GLG1: variants seen among roughly 807,000 people sequenced by gnomAD.
GLG1 encodes golgi glycoprotein 1.
A neutral mutation model predicts 160.5 loss-of-function variants in GLG1; 38 were observed. The observed-to-expected ratio is 0.24, with a 90% CI of 0.18 to 0.31. The LOEUF is 0.31. Ranked by LOEUF, GLG1 falls within the 10% of genes least tolerant of loss-of-function variation. The probability of loss-of-function intolerance (pLI) is 1.00; values close to 1 mark genes in which losing one functional copy is unlikely to be tolerated. For missense variants in GLG1, 1,373 were observed against 1,505.2 expected (o/e 0.91, Z 1.45); for synonymous variants, 644 against 543.4 (o/e 1.19, Z -2.57).
At chr16:74,528,843 G>C (rs537736058) in intron 2 of GLG1, among the ~76,000 whole-genome samples, 106 of 142,986 alleles carry the variant, frequency 7.4e-4, no homozygotes, top group African/African-American at 1.9e-3. Flanking sequence ...AAAATTGTTA[G>C]GTGAGTATGG....
chr16:74,462,728 T>C (rs978688548), intron 20 of GLG1, 98 bp from the exon 21 acceptor site: 1 of 1,062,374 alleles, frequency 9.4e-7, no homozygotes, highest in Admixed American at 1.8e-5. Context: ...ATGTCAATGA[T>C]CATGACTACA....
chr16:74,585,955 T>G (rs1409736945), intron 1 of GLG1, among the ~76,000 whole-genome samples: 1 of 149,206 alleles, frequency 6.7e-6, no homozygotes, highest in Non-Finnish European at 1.5e-5. Flanking sequence ...CCCAGCTACT[T>G]GGGGGGCCGA....
At chr16:74,605,894 C>T (rs1409135271) in intron 1 of GLG1, among the ~76,000 whole-genome samples, 31 of 152,160 alleles carry the variant, frequency 2.0e-4, no homozygotes, top group Admixed American at 2.0e-3. Context: ...CAGCATTAAA[C>T]CTAGATTATA....
intron 13 of GLG1, among the ~76,000 whole-genome samples, chr16:74,473,554 C>A (rs113633798): frequency 0.02 from 3,103 of 151,394 alleles, 94 homozygotes; most frequent in African/African-American, 0.071. Flanking sequence ...ACTCTCCTGC[C>A]TCAGCCTCCC....
chr16:74,501,260 T>C (rs191621028), intron 4 of GLG1, among the ~76,000 whole-genome samples: 1 of 152,268 alleles, frequency 6.6e-6, no homozygotes, highest in African/African-American at 2.4e-5. Context: ...GGAAGGAAGG[T>C]GTTTTTTCAG....
In GLG1 at chr16:74,493,020, G is replaced by T. The variant is rs754735513; in HGVS notation, c.1171C>A (p.Pro391Thr). 1 of 1,613,838 alleles carries T rather than the reference G, an allele frequency of 6.2e-7. No homozygotes were observed. The highest frequency in any genetic ancestry group is 1.7e-5 in the Admixed American group (1 of 59,970). The stretch of plus-strand genomic sequence containing the variant: ...GAGAGCCTGGCTTCACGCGATCGCG[G>T]AAGGTTTTCCACATTGCACCGGTAT... The part of the protein sequence containing the change: ...KKYRCNVENL[P>T]RSREARLSYL... The change falls in exon 7 of 26, where the codon CCG (proline) becomes ACG (threonine). Residue 391 changes from proline (P) to threonine (T), a missense_variant. Pro to Thr is a conservative substitution (Grantham distance 38, BLOSUM62 -1). This residue lies in a region of GLG1 where 386 missense variants were observed against 388.5 expected (regional missense o/e 0.99). Transcript: ENST00000422840.
intron 5 of GLG1, 87 bp downstream of exon 5, chr16:74,496,354 A>G: frequency 1.0e-6 from 1 of 975,936 alleles, no homozygotes; most frequent in Non-Finnish European, 1.5e-6. Context: ...CAATCTCTCA[A>G]AAAACAACAC....
chr16:74,556,967 A>C (rs1371573060), intron 1 of GLG1, among the ~76,000 whole-genome samples: 1 of 152,000 alleles, frequency 6.6e-6, no homozygotes, highest in African/African-American at 2.4e-5. Flanking sequence ...AATATATTCT[A>C]ATTTTCACTG....
chr16:74,471,380 C>G, intron 14 of GLG1, 94 bp from the exon 15 acceptor site: 1 of 727,662 alleles, frequency 1.4e-6, no homozygotes, highest in African/African-American at 1.8e-5. Flanking sequence ...AAGGTTAGTT[C>G]TAGAAGCCCT....
chr16:74,480,835 A>C (rs1190256852), intron 10 of GLG1, among the ~76,000 whole-genome samples: 1 of 152,168 alleles, frequency 6.6e-6, no homozygotes, highest in Non-Finnish European at 1.5e-5. Context: ...TACAGGCATA[A>C]GGCACTGCAC....
intron 4 of GLG1, among the ~76,000 whole-genome samples, chr16:74,497,229 C>T (rs2016222667): frequency 6.6e-6 from 1 of 150,846 alleles, no homozygotes; most frequent in African/African-American, 2.4e-5. Context: ...GCGGAGGTTG[C>T]AGTGAGCCGA....
At chr16:74,534,757 G>A (rs1208395425) in intron 1 of GLG1, among the ~76,000 whole-genome samples, 3 of 152,022 alleles carry the variant, frequency 2.0e-5, no homozygotes, top group Non-Finnish European at 4.4e-5. Context: ...ACCCGGCTCC[G>A]CTGACGTTGA....
At chr16:74,475,843 C>A (rs1365386204) in intron 12 of GLG1, among the ~76,000 whole-genome samples, 1 of 151,970 alleles carries the variant, frequency 6.6e-6, no homozygotes, top group Non-Finnish European at 1.5e-5. Context: ...GGAAAATACC[C>A]CAAACTTTTG....
chr16:74,468,226 C>CTTTTTTTTTTTTTTTTT (rs201829157), intron 17 of GLG1: 3 of 83,312 alleles, frequency 3.6e-5, no homozygotes, highest in African/African-American at 1.6e-4. Context: ...CTTGAAATGT[C>CTTTTTTTTTTTTTTTTT]TTTTTTTTTT....
chr16:74,603,110 ACAGCAG>A (rs372869560), intron 1 of GLG1, among the ~76,000 whole-genome samples: 27 of 151,270 alleles, frequency 1.8e-4, no homozygotes, highest in Non-Finnish European at 2.5e-4. Flanking sequence ...AACAACAACA[ACAGCAG>A]CAGCAGCAGC....
chr16:74,606,654 C>A lies in GLG1; in HGVS notation c.438+3G>T. 1.3e-6 allele frequency: 2 copies of A among 1,554,562 alleles called. No homozygotes were observed. Among genetic ancestry groups the A allele is most frequent in the South Asian group, 2.4e-5 (2 of 83,234 alleles). ...CCCTCCCGGCTTCGTCCCACCTCCT[C>A]ACCTCCCTCACATCCTGCAGGCACT... On this transcript the variant is annotated splice_donor_region_variant and intron_variant, in intron 1 of 25. Transcript: ENST00000422840.
intron 2 of GLG1, among the ~76,000 whole-genome samples, chr16:74,515,443 T>C (rs1226183441): frequency 6.6e-6 from 1 of 152,186 alleles, no homozygotes; most frequent in Non-Finnish European, 1.5e-5. Flanking sequence ...CACAACAAAC[T>C]GTCTCTCAGA....
At chr16:74,574,883 C>CAAA (rs531720341) in intron 1 of GLG1, among the ~76,000 whole-genome samples, 1,981 of 24,766 alleles carry the variant, frequency 0.08, 531 homozygotes, top group Non-Finnish European at 0.097. Context: ...GACTCTGTCT[C>CAAA]AAAAAAAAAA....
chr16:74,543,006 C>G (rs1484333105), intron 1 of GLG1, among the ~76,000 whole-genome samples: 2 of 151,952 alleles, frequency 1.3e-5, no homozygotes, highest in Non-Finnish European at 2.9e-5. Context: ...AATATAATTT[C>G]TCACACCCCA....
Sources: allele counts gnomAD v4.1 joint callset (sites outside exome capture counted in the v4.1 genomes callset), GRCh38; gene constraint gnomAD v4.1.1; regional missense constraint gnomAD v4.1.1; transcripts MANE v1.5; gene names NCBI Gene and HGNC (gene_info 2026-07-23, HGNC 2026-07-21).